The following CHERP variants were observed in gnomAD, a reference collection of about 807,000 sequenced individuals.
CHERP encodes the protein calcium homeostasis endoplasmic reticulum protein.
In CHERP, 8 loss-of-function variants were observed where a neutral mutation model predicts 113.8. The ratio of observed to expected loss-of-function variants is 0.07; its 90% CI spans 0.04 to 0.13. The LOEUF (loss-of-function observed/expected upper bound fraction) is 0.13. Ranked by LOEUF, CHERP falls within the 10% of genes least tolerant of loss-of-function variation. CHERP has a pLI of 1.00. For synonymous variants in CHERP, 559 were observed against 524.5 expected (o/e 1.07, Z -0.90); for missense variants, 884 against 1,298.2 (o/e 0.68, Z 4.90).
chr19:16,532,532 C>A lies in CHERP; in HGVS notation c.674+66G>T, dbSNP rs1282873273. On this transcript the variant is annotated intron_variant, in intron 5 of 16. Coordinates refer to ENST00000546361, the MANE Select transcript of CHERP (RefSeq NM_006387.6). The surrounding 1 kb of genome is among the most constrained non-coding windows in gnomAD (Gnocchi z 4.4). ...CCAAGCTACCGACCGGAGCAAGCGGCCACCCAGGAGGGTTGAGGAGGAGCG... is the reference window on the plus strand; with the variant it reads ...CCAAGCTACCGACCGGAGCAAGCGGACACCCAGGAGGGTTGAGGAGGAGCG... 3.4e-6 allele frequency: 5 copies of A among 1,481,720 alleles called. No homozygotes were observed. Among genetic ancestry groups the A allele is most frequent in the Non-Finnish European group, 3.6e-6 (4 of 1,113,226 alleles). 91.8% of individuals were successfully genotyped at this position (1,481,720 alleles called of 1,614,324 possible). A position where few individuals can be genotyped will look rare whatever the true frequency, so the allele number is the denominator to read the frequency against.
At chr19:16,536,207 G>C (rs2085740361) in intron 2 of CHERP, among the ~76,000 whole-genome samples, 1 of 152,176 alleles carries the variant, frequency 6.6e-6, no homozygotes, top group South Asian at 2.1e-4. Flanking sequence ...CAGCCCTTGG[G>C]GACAGAGACC....
Position 16,530,891 on chromosome 19 carries a change from G to T in CHERP, c.675-11C>A. ...GCCTGCTTGCGCTGGCTGTGAGGGA[G>T]AGACTTTCCGCGCGTCAGGGCCCTG... On this transcript the variant is annotated splice_polypyrimidine_tract_variant and intron_variant, in intron 5 of 16. Coordinates refer to ENST00000546361, the MANE Select transcript of CHERP (RefSeq NM_006387.6). This position sits in a 1 kb window ranked among gnomAD's most constrained non-coding sequence, Gnocchi z 4.1. 2 of 1,611,974 alleles carry T rather than the reference G, an allele frequency of 1.2e-6. No individual in the cohort carries two copies. Among genetic ancestry groups the T allele is most frequent in the South Asian group, 1.1e-5 (1 of 91,066 alleles).
chr19:16,522,925 C>T lies in CHERP; in HGVS notation c.1980+127G>A, dbSNP rs768144248. ...GCACCTCCCACTGACGGATCAGGGT[C>T]CCTAGGGAGTGGGAGATGAAGGGGA... is the stretch of plus-strand genomic sequence containing the variant. On this transcript the variant is annotated intron_variant, in intron 11 of 16. Transcript: ENST00000546361. 4.5e-6 allele frequency: 5 copies of T among 1,111,902 alleles called. No homozygotes were observed. In the South Asian group the frequency reaches 8.6e-5, roughly 19 times the overall value. The allele number at this position is 1,111,902 out of a possible 1,614,324, so 68.9% of individuals were successfully genotyped here. A position where few individuals can be genotyped will look rare whatever the true frequency, so the allele number is the denominator to read the frequency against.
Position 16,520,818 on chromosome 19 carries a change from G to C in CHERP, c.2201+8C>G, listed in dbSNP as rs766693851. 1 of 1,613,142 alleles carries C rather than the reference G, an allele frequency of 6.2e-7. No homozygotes were observed. On this transcript the variant is annotated splice_region_variant and intron_variant, in intron 13 of 16. Coordinates refer to ENST00000546361, the MANE Select transcript of CHERP (RefSeq NM_006387.6). The surrounding 1 kb of genome is among the most constrained non-coding windows in gnomAD (Gnocchi z 4.0). ...CCCCCCGGCCACTGCAGACATCTGC[G>C]CTTTTACCTGTTCCTCTTCTCCTGG...
At chr19:16,536,075 A>T (rs2085739336) in intron 2 of CHERP, among the ~76,000 whole-genome samples, 1 of 152,086 alleles carries the variant, frequency 6.6e-6, no homozygotes, top group African/African-American at 2.4e-5. Flanking sequence ...TTGACTGTTA[A>T]GATGTCACAG....
chr19:16,523,027 C>T lies in CHERP; in HGVS notation c.1980+25G>A. The T allele has an allele frequency of 1.3e-6, 2 of 1,498,530 alleles. No individual in the cohort carries two copies. Among genetic ancestry groups the T allele is most frequent in the Non-Finnish European group, 1.8e-6 (2 of 1,127,408 alleles). 92.8% of individuals were successfully genotyped at this position (1,498,530 alleles called of 1,614,324 possible). A position where few individuals can be genotyped will look rare whatever the true frequency, so the allele number is the denominator to read the frequency against. ...GGACCAGTATGGTAAGCGTGCTCAGCTTGGAGCCCACTGTGGGGCATTACC... is the reference window on the plus strand; with the variant it reads ...GGACCAGTATGGTAAGCGTGCTCAGTTTGGAGCCCACTGTGGGGCATTACC... On this transcript the variant is annotated intron_variant, in intron 11 of 16. Transcript: ENST00000546361. The surrounding 1 kb of genome is among the most constrained non-coding windows in gnomAD (Gnocchi z 4.0).
chr19:16,540,987 G>A (rs922270140), intron 2 of CHERP, among the ~76,000 whole-genome samples: 10 of 152,010 alleles, frequency 6.6e-5, no homozygotes, highest in Admixed American at 6.6e-4. Context: ...ATGAGCCACT[G>A]CAACAGGCCT....
Position 16,521,663 on chromosome 19 carries a change from G to C in CHERP, c.1981-9C>G, listed in dbSNP as rs770800905. On this transcript the variant is annotated splice_polypyrimidine_tract_variant and intron_variant, in intron 11 of 16. Coordinates refer to ENST00000546361, the MANE Select transcript of CHERP (RefSeq NM_006387.6). ...TACTCGTGATCTTCCAGCTGCAGCA[G>C]AGAACCCCAGCTGTCACCATGCCTG... 6 of 1,565,636 alleles carry C rather than the reference G, an allele frequency of 3.8e-6. No homozygotes were observed. Among genetic ancestry groups the C allele is most frequent in the Non-Finnish European group, 5.2e-6 (6 of 1,152,458 alleles).
chr19:16,532,246 C>T lies in CHERP; in HGVS notation c.674+352G>A, dbSNP rs1242714492. On this transcript the variant is annotated intron_variant, in intron 5 of 16. Transcript: ENST00000546361. The surrounding 1 kb of genome is among the most constrained non-coding windows in gnomAD (Gnocchi z 4.4). ...CGAGGGCAGGAGACAGACACAGAGG[C>T]CAAGGAGGCCGTGGCTGAGAAGGCA... The T allele has an allele frequency of 4.2e-6, 1 of 240,502 alleles. No homozygotes were observed. Among genetic ancestry groups the T allele is most frequent in the Non-Finnish European group, 8.2e-6 (1 of 122,056 alleles). 14.9% of individuals were successfully genotyped at this position (240,502 alleles called of 1,614,324 possible).
chr19:16,526,735 G>A (rs187845144), intron 9 of CHERP, among the ~76,000 whole-genome samples: 167 of 151,442 alleles, frequency 1.1e-3, no homozygotes, highest in African/African-American at 3.9e-3. Context: ...CCAAAGTGTG[G>A]GATTACAGGC....
rs369429371 is a variant in CHERP, at chr19:16,528,208, C to G, written c.1177G>C (p.Ala393Pro). ...IQMPGSSEYE[A>P]PGGVQDPAAA... ...GCAGGATCCTGGACCCCTCCTGGAG[C>G]TTCGTACTCTGAAGAGCCAGGCATC... Residue 393 changes from alanine (A) to proline (P), a missense_variant, in exon 9 of 17, where the codon GCT becomes CCT. Around this residue, in one of 8 missense-constraint regions of CHERP, gnomAD observed 464 missense variants for 590.1 expected, o/e 0.79. Transcript: ENST00000546361. 3.1e-6 allele frequency: 5 copies of G among 1,603,996 alleles called. No individual in the cohort carries two copies. The highest frequency in any genetic ancestry group is 1.8e-5 in the Admixed American group (1 of 56,938).
chr19:16,526,980 A>G (rs1240145099), intron 9 of CHERP, among the ~76,000 whole-genome samples: 1 of 152,198 alleles, frequency 6.6e-6, no homozygotes, highest in African/African-American at 2.4e-5. Flanking sequence ...GCTGGTCCCA[A>G]ACTCCTGGCC....
At position 16,523,432 on chromosome 19, in the gene CHERP, G is replaced by C; in HGVS notation, c.1742-142C>G. 4.2e-6 allele frequency: 4 copies of C among 960,088 alleles called. No individual in the cohort carries two copies. Among genetic ancestry groups the C allele is most frequent in the Non-Finnish European group, 4.6e-6 (3 of 646,820 alleles). 59.5% of individuals were successfully genotyped at this position (960,088 alleles called of 1,614,324 possible). A position where few individuals can be genotyped will look rare whatever the true frequency, so the allele number is the denominator to read the frequency against. On this transcript the variant is annotated intron_variant, in intron 10 of 16. Coordinates refer to ENST00000546361, the MANE Select transcript of CHERP (RefSeq NM_006387.6). This position sits in a 1 kb window ranked among gnomAD's most constrained non-coding sequence, Gnocchi z 4.0. Reference sequence around the variant, plus strand: ...TCCAGCATCTTCTCTCACTGCTTAAGACCAGGCAGCAAGGCACCGAGGAGC... The same window carrying C: ...TCCAGCATCTTCTCTCACTGCTTAACACCAGGCAGCAAGGCACCGAGGAGC...
In CHERP at chr19:16,530,639, A is replaced by T; in HGVS notation, c.822T>A (p.Asp274Glu). ...TCTGTAGCTGCTGAATGATGGAGTCATCGAAGTAGCCGTTTTTCTCCCAGA... is the reference window on the plus strand; with the variant it reads ...TCTGTAGCTGCTGAATGATGGAGTCTTCGAAGTAGCCGTTTTTCTCCCAGA... ...LQLWEKNGYF[D>E]DSIIQQLQSP... is the part of the protein sequence containing the mutation. The change falls in exon 7 of 17, where the codon GAT becomes GAA. Residue 274 changes from aspartate (D) to glutamate (E), a missense_variant. Asp to Glu is a conservative substitution (Grantham distance 45). Transcript: ENST00000546361. This position sits in a 1 kb window ranked among gnomAD's most constrained non-coding sequence, Gnocchi z 4.1. 6.2e-7 allele frequency: 1 copy of T among 1,614,086 alleles called. No individual in the cohort carries two copies.
At position 16,532,461 on chromosome 19, in the gene CHERP, C is replaced by A. The variant is rs1184391964; in HGVS notation, c.674+137G>T. 2 of 1,112,062 alleles carry A rather than the reference C, an allele frequency of 1.8e-6. No individual in the cohort carries two copies. Among genetic ancestry groups the A allele is most frequent in the South Asian group, 3.3e-5 (2 of 60,490 alleles). The allele number at this position is 1,112,062 out of a possible 1,614,324, so 68.9% of individuals were successfully genotyped here. A position where few individuals can be genotyped will look rare whatever the true frequency, so the allele number is the denominator to read the frequency against. The stretch of plus-strand genomic sequence containing the variant: ...CCTGGTGGCTCACAGAGACCCCCCA[C>A]CCGGGGTCCCCGGACAAGTGCCCCC... On this transcript the variant is annotated intron_variant, in intron 5 of 16. Transcript: ENST00000546361. The surrounding 1 kb of genome is among the most constrained non-coding windows in gnomAD (Gnocchi z 4.4).
chr19:16,537,383 G>A (rs2122285161), intron 2 of CHERP, among the ~76,000 whole-genome samples: 1 of 152,182 alleles, frequency 6.6e-6, no homozygotes, highest in Non-Finnish European at 1.5e-5. Context: ...CAACCGCCGG[G>A]CAACATGAGC....
At position 16,532,673 on chromosome 19, in the gene CHERP, C is replaced by T. The variant is rs368216200; in HGVS notation, c.599G>A (p.Arg200His). The T allele has an allele frequency of 6.8e-6, 11 of 1,613,338 alleles. No homozygotes were observed. The highest frequency in any genetic ancestry group is 9.3e-6 in the Non-Finnish European group (11 of 1,179,910). The change falls in exon 5 of 17, where the codon CGC (arginine) becomes CAC (histidine). Residue 200 changes from arginine (R) to histidine (H), a missense_variant. Arg to His is a conservative substitution (Grantham distance 29). This residue lies in a region of CHERP where 73 missense variants were observed against 182.4 expected (regional missense o/e 0.40). Transcript: ENST00000546361. This position sits in a 1 kb window ranked among gnomAD's most constrained non-coding sequence, Gnocchi z 4.4. ...GAAGTGTGCCCCATCAGCCGTGATG[C>T]GGTTCCGGAGGTGGCCGGCCATCAG... is the stretch of plus-strand genomic sequence containing the variant. ...CELMAGHLRNRITADGAHFEL... is the reference protein window; with the variant it reads ...CELMAGHLRNHITADGAHFEL...
chr19:16,525,169 G>A lies in CHERP; in HGVS notation c.1741+73C>T, dbSNP rs918373356. The A allele has an allele frequency of 4.6e-6, 6 of 1,318,104 alleles. No homozygotes were observed. The highest frequency in any genetic ancestry group is 5.9e-6 in the Non-Finnish European group (6 of 1,009,236). The allele number at this position is 1,318,104 out of a possible 1,614,324, so 81.7% of individuals were successfully genotyped here. A position where few individuals can be genotyped will look rare whatever the true frequency, so the allele number is the denominator to read the frequency against. On this transcript the variant is annotated intron_variant, in intron 10 of 16. Coordinates refer to ENST00000546361, the MANE Select transcript of CHERP (RefSeq NM_006387.6). The surrounding 1 kb of genome is among the most constrained non-coding windows in gnomAD (Gnocchi z 6.5). ...CAGGAGCATGGCAGGGCCACAAGCAGCGCCACCAGCCTGCTCGGCAGGCGA... is the reference window on the plus strand; with the variant it reads ...CAGGAGCATGGCAGGGCCACAAGCAACGCCACCAGCCTGCTCGGCAGGCGA...
At chr19:16,521,275 C>G in intron 12 of CHERP, 1 of 569,020 alleles carries the variant, frequency 1.8e-6, no homozygotes, top group East Asian at 2.9e-5. Flanking sequence ...TGGCAGCCGG[C>G]TGCTTGAGAC....
Sources: allele counts gnomAD v4.1 joint callset (sites outside exome capture counted in the v4.1 genomes callset), GRCh38; gene constraint gnomAD v4.1.1; regional missense constraint gnomAD v4.1.1; non-coding constraint Gnocchi (gnomAD v3.1); transcripts MANE v1.5; gene names NCBI Gene and HGNC (gene_info 2026-07-23, HGNC 2026-07-21).